MYRF: variants seen among roughly 807,000 people sequenced by gnomAD.
The protein encoded by MYRF is myelin regulatory factor, also known as myelin gene regulatory factor.
In MYRF, 16 loss-of-function variants were observed where a neutral mutation model predicts 126.3. The observed-to-expected ratio is 0.13, with a 90% CI of 0.09 to 0.19. The LOEUF is 0.19. MYRF is among the 10% of genes least tolerant of loss of function. MYRF has a pLI of 1.00. For missense variants in MYRF, 1,104 were observed against 1,547.0 expected (o/e 0.71, Z 4.80); for synonymous variants, 608 against 635.3 (o/e 0.96, Z 0.65).
rs759608240 is a variant in MYRF, at chr11:61,780,231, C to A, written c.2346C>A (p.Ser782=). ...TTTTCTGTGGCTCCAGCGTGGTGTC[C>A]ATGTCCACACTGTACGTGCTGAGCC... ...LVVVMAFSVV[S]MSTLYVLSLR... Residue 782 remains serine, a synonymous_variant, in exon 18 of 27, where the codon TCC becomes TCA. Transcript: ENST00000278836. 12 of 1,614,052 alleles carry A rather than the reference C, an allele frequency of 7.4e-6. No individual in the cohort carries two copies. Among genetic ancestry groups the A allele is most frequent in the Non-Finnish European group, 1.0e-5 (12 of 1,179,986 alleles).
At chr11:61,784,486 TAG>T in intron 25 of MYRF, 101 bp downstream of exon 25, 1 of 948,784 alleles carries the variant, frequency 1.1e-6, no homozygotes, top group South Asian at 1.5e-5. Flanking sequence ...CTGGGAGTTA[TAG>T]AGTAAAGCCT....
At chr11:61,767,934 A>G (rs558309191) in intron 3 of MYRF, among the ~76,000 whole-genome samples, 4 of 151,760 alleles carry the variant, frequency 2.6e-5, no homozygotes, top group African/African-American at 9.7e-5. Flanking sequence ...CCTGGGCAAT[A>G]TGGTGAAACC....
intron 1 of MYRF, among the ~76,000 whole-genome samples, chr11:61,762,643 C>T (rs1220738200): frequency 6.6e-6 from 1 of 152,206 alleles, no homozygotes; most frequent in Non-Finnish European, 1.5e-5. Flanking sequence ...CCACCCTTGT[C>T]TTGTCCACCT....
At chr11:61,763,109 A>G (rs2065946014) in intron 1 of MYRF, among the ~76,000 whole-genome samples, 1 of 152,092 alleles carries the variant, frequency 6.6e-6, no homozygotes. Context: ...TTCCAAGTTC[A>G]GGCTCAAAAA....
intron 7 of MYRF, among the ~76,000 whole-genome samples, chr11:61,773,729 C>T (rs2066289059): frequency 2.0e-5 from 3 of 152,270 alleles, no homozygotes; most frequent in East Asian, 3.9e-4. Context: ...CAGGGCGGGG[C>T]GGTGGCCTAA....
rs661246 is a variant in MYRF at position 61,786,332 on chromosome 11, A to G, written c.*189A>G. 3 of 626,612 alleles carry G rather than the reference A, an allele frequency of 4.8e-6. No individual in the cohort carries two copies. Among genetic ancestry groups the G allele is most frequent in the Non-Finnish European group, 8.4e-6 (3 of 355,884 alleles). The allele number at this position is 626,612 out of a possible 1,614,324, so 38.8% of individuals were successfully genotyped here. A position where few individuals can be genotyped will look rare whatever the true frequency, so the allele number is the denominator to read the frequency against. The stretch of plus-strand genomic sequence containing the variant: ...GTTCCAGCTGGTCGCCCCTCACGGC[A>G]CAGAGGGAACCTGAGAGCCAGAGAC... On this transcript the variant is annotated 3_prime_UTR_variant, in exon 27 of 27. Transcript: ENST00000278836. The surrounding 1 kb of genome is among the most constrained non-coding windows in gnomAD (Gnocchi z 4.5).
rs767485337 is a variant in MYRF, at chr11:61,770,393, G to A, written c.608G>A (p.Arg203Gln). ...CCACCTCACTACCCTGTCCTGCAGCGGGATCTGTACATGAAGGCCGAGCCC... is the reference window on the plus strand; with the variant it reads ...CCACCTCACTACCCTGTCCTGCAGCAGGATCTGTACATGAAGGCCGAGCCC... ...PPPPHYPVLQ[R>Q]DLYMKAEPPI... The change falls in exon 5 of 27, where the codon CGG (arginine) becomes CAG (glutamine). Residue 203 changes from arginine to glutamine, a missense_variant. Arg to Gln is a conservative substitution (Grantham distance 43). Around this residue, in one of 10 missense-constraint regions of MYRF, gnomAD observed 368 missense variants for 403.9 expected, o/e 0.91. Transcript: ENST00000278836. 23 of 1,389,406 alleles carry A rather than the reference G, an allele frequency of 1.7e-5. No individual in the cohort carries two copies. Among genetic ancestry groups the A allele is most frequent in the South Asian group, 3.7e-5 (3 of 81,384 alleles). The allele number at this position is 1,389,406 out of a possible 1,614,324, so 86.1% of individuals were successfully genotyped here. A position where few individuals can be genotyped will look rare whatever the true frequency, so the allele number is the denominator to read the frequency against.
At position 61,776,770 on chromosome 11, in the gene MYRF, A is replaced by T. The variant is rs1260608372; in HGVS notation, c.1500-17A>T. ...GGGGCAGGCCATGAGTACTTCTGAG[A>T]CCCCTGTGTGTCCCAGGTACTTCAT... On this transcript the variant is annotated splice_polypyrimidine_tract_variant and intron_variant, in intron 10 of 26. Coordinates refer to ENST00000278836, the MANE Select transcript of MYRF (RefSeq NM_001127392.3). The surrounding 1 kb of genome is among the most constrained non-coding windows in gnomAD (Gnocchi z 4.3). The T allele has an allele frequency of 1.3e-5, 20 of 1,577,626 alleles. No individual in the cohort carries two copies. The highest frequency in any genetic ancestry group is 1.7e-5 in the Non-Finnish European group (20 of 1,161,182).
chr11:61,779,908 CTGGTGG>C lies in MYRF; in HGVS notation c.2319_2324del (p.Val774_Val775del). On this transcript the variant is annotated inframe_deletion, in exon 17 of 27. Coordinates refer to ENST00000278836, the MANE Select transcript of MYRF (RefSeq NM_001127392.3). ...CTTCCTGCAGGGAACCATCATTGCC[CTGGTGG>C]TGGTCATGGCCTTCAGGTGACTTGT... 1 of 1,614,052 alleles carries C rather than the reference CTGGTGG, an allele frequency of 6.2e-7. No individual in the cohort carries two copies. The highest frequency in any genetic ancestry group is 8.5e-7 in the Non-Finnish European group (1 of 1,179,938).
At chr11:61,775,480 G>A (rs1197285379) in intron 8 of MYRF, among the ~76,000 whole-genome samples, 1 of 152,204 alleles carries the variant, frequency 6.6e-6, no homozygotes, top group Non-Finnish European at 1.5e-5. Flanking sequence ...AGTAGTGGCT[G>A]ATTTTGAGTC....
intron 1 of MYRF, among the ~76,000 whole-genome samples, chr11:61,761,866 A>G (rs2065910399): frequency 6.6e-6 from 1 of 152,268 alleles, no homozygotes; most frequent in African/African-American, 2.4e-5. Flanking sequence ...AGCCATGTAA[A>G]GTGCATGGCA....
In MYRF at chr11:61,757,279, G is replaced by C. The variant is rs1008261219; in HGVS notation, c.46+4489G>C. 1 of 456,558 alleles carries C rather than the reference G, an allele frequency of 2.2e-6. No homozygotes were observed. Among genetic ancestry groups the C allele is most frequent in the African/African-American group, 2.0e-5 (1 of 50,040 alleles). The allele number at this position is 456,558 out of a possible 1,614,324, so 28.3% of individuals were successfully genotyped here. Reference sequence around the variant, plus strand: ...TTCTGTGCATTCGCCAGCGAGGGCAGCTGGGGTCTGTTCCTAGCTCTCCTG... The same window carrying C: ...TTCTGTGCATTCGCCAGCGAGGGCACCTGGGGTCTGTTCCTAGCTCTCCTG... On this transcript the variant is annotated intron_variant, in intron 1 of 26. Transcript: ENST00000278836. This position sits in a 1 kb window ranked among gnomAD's most constrained non-coding sequence, Gnocchi z 4.7.
rs775354916 is a variant in MYRF, at chr11:61,771,879, T to C, written c.1042T>C (p.Tyr348His). The C allele has an allele frequency of 1.2e-6, 2 of 1,614,088 alleles. No individual in the cohort carries two copies. Among genetic ancestry groups the C allele is most frequent in the East Asian group, 2.2e-5 (1 of 44,872 alleles). ...SLSGSYLDPN[Y>H]QSIKWQPHQQ... ...CAGTGGCTCCTACCTGGACCCCAAC[T>C]ACCAGTCCATCAAGTGGCAGCCTCA... is the stretch of plus-strand genomic sequence containing the variant. The change falls in exon 7 of 27, where the codon TAC becomes CAC. Residue 348 changes from tyrosine to histidine, a missense_variant. By Grantham distance (83) the Tyr-to-His change is moderately conservative (BLOSUM62 2). This residue lies in a region of MYRF where 87 missense variants were observed against 129.2 expected (regional missense o/e 0.67). Transcript: ENST00000278836.
chr11:61,782,448 GATGGGGGAACCCC>G (rs1255094839), intron 22 of MYRF: 1 of 152,294 alleles, frequency 6.6e-6, no homozygotes, highest in African/African-American at 2.4e-5. Flanking sequence ...AATTCAATGT[GATGGGGGAACCCC>G]ATGGGGGAGA....
At position 61,770,659 on chromosome 11, in the gene MYRF, C is replaced by A. The variant is rs957327336; in HGVS notation, c.740+134C>A. The A allele has an allele frequency of 2.5e-5, 20 of 786,280 alleles. No homozygotes were observed. In the East Asian group the frequency reaches 4.7e-4, roughly 18 times the overall value. 48.7% of individuals were successfully genotyped at this position (786,280 alleles called of 1,614,324 possible). A position where few individuals can be genotyped will look rare whatever the true frequency, so the allele number is the denominator to read the frequency against. ...AGGGAGGGCAGAAGGCTCTGCAGGG[C>A]AGATGGGGGTAACATATTTATACAT... On this transcript the variant is annotated intron_variant, in intron 5 of 26. Coordinates refer to ENST00000278836, the MANE Select transcript of MYRF (RefSeq NM_001127392.3).
Position 61,771,646 on chromosome 11 carries a change from C to A in MYRF, c.887C>A (p.Pro296His), listed in dbSNP as rs537655709. ...PLHPTRAPSP[P>H]WPPQGPLSPG... ...CACCCCACTCGAGCCCCATCGCCACCCTGGCCTCCCCAGGGTCCGCTCTCC... is the reference window on the plus strand; with the variant it reads ...CACCCCACTCGAGCCCCATCGCCACACTGGCCTCCCCAGGGTCCGCTCTCC... Residue 296 changes from proline to histidine, a missense_variant, in exon 6 of 27, where the codon CCC (proline) becomes CAC (histidine). Coordinates refer to ENST00000278836, the MANE Select transcript of MYRF (RefSeq NM_001127392.3). The A allele has an allele frequency of 6.2e-7, 1 of 1,613,978 alleles. No individual in the cohort carries two copies. The highest frequency in any genetic ancestry group is 1.7e-5 in the Admixed American group (1 of 60,020).
In MYRF at chr11:61,775,900, A is replaced by C. The variant is rs73487449; in HGVS notation, c.1312-156A>C. On this transcript the variant is annotated intron_variant, in intron 8 of 26. Coordinates refer to ENST00000278836, the MANE Select transcript of MYRF (RefSeq NM_001127392.3). ...GGTGTGGGGGGGTGTGACCATGCAGAAGGCATCTGAGCTTGTGGGAATCGC... is the reference window on the plus strand; with the variant it reads ...GGTGTGGGGGGGTGTGACCATGCAGCAGGCATCTGAGCTTGTGGGAATCGC... Among the ~76,000 whole-genome samples the C allele has an allele frequency of 4.1e-3, 617 of 151,922 alleles. 8 individuals carry two copies. The highest frequency in any genetic ancestry group is 0.014 in the African/African-American group (572 of 41,396).
Position 61,777,374 on chromosome 11 carries a change from G to C in MYRF, c.1701G>C (p.Pro567=), listed in dbSNP as rs771533300. The C allele has an allele frequency of 6.2e-7, 1 of 1,613,934 alleles. No individual in the cohort carries two copies. Residue 567 remains proline, a synonymous_variant, in exon 12 of 27, where the codon CCG becomes CCC. Transcript: ENST00000278836. This position sits in a 1 kb window ranked among gnomAD's most constrained non-coding sequence, Gnocchi z 8.8. ...HGRVGINTDR[P]DEALVVHGNV... is the part of the protein sequence containing the mutation. ...GCGTGGGCATCAACACAGACCGGCC[G>C]GATGAGGCGCTGGTTGTGCACGGGA...
At position 61,765,720 on chromosome 11, in the gene MYRF, GC is replaced by G. The variant is rs1565285295; in HGVS notation, c.134+13del. 1 of 1,608,380 alleles carries G rather than the reference GC, an allele frequency of 6.2e-7. No individual in the cohort carries two copies. The highest frequency in any genetic ancestry group is 1.1e-5 in the South Asian group (1 of 90,462). The stretch of plus-strand genomic sequence containing the variant: ...GGAGGATGCCTCCGACCTGTGAGTG[GC>G]CCCCTCGCCCGGCCTGCACCCGCCC... On this transcript the variant is annotated intron_variant, in intron 2 of 26. Transcript: ENST00000278836.
Sources: allele counts gnomAD v4.1 joint callset (sites outside exome capture counted in the v4.1 genomes callset), GRCh38; gene constraint gnomAD v4.1.1; regional missense constraint gnomAD v4.1.1; non-coding constraint Gnocchi (gnomAD v3.1); transcripts MANE v1.5; gene names NCBI Gene and HGNC (gene_info 2026-07-23, HGNC 2026-07-21).